Variants in PEBP4 observed in about 807,000 individuals in gnomAD.
PEBP4 encodes phosphatidylethanolamine-binding protein 4.
Under a neutral mutation model 23.9 loss-of-function variants are expected in PEBP4, and 22 were observed. That is an observed-to-expected ratio of 0.92 (90% CI 0.66 to 1.31). The LOEUF (loss-of-function observed/expected upper bound fraction) is 1.31, where lower values mean the gene tolerates loss of function less well. PEBP4 is among the 40% of genes most tolerant of loss of function. PEBP4 has a pLI of 0.00. For synonymous variants in PEBP4, 112 were observed against 99.3 expected, an observed-to-expected ratio of 1.13 and a Z score of -0.76; for missense variants, 324 against 281.7, an observed-to-expected ratio of 1.15 and a Z score of -1.07.
In PEBP4 at chr8:22,927,707, C is replaced by G; in HGVS notation, c.8G>C (p.Trp3Ser). 2 of 1,613,660 alleles carry G rather than the reference C, an allele frequency of 1.2e-6. No homozygotes were observed. Among genetic ancestry groups the G allele is most frequent in the Non-Finnish European group, 1.7e-6 (2 of 1,179,764 alleles). The stretch of plus-strand genomic sequence containing the variant: ...TGCTGCTGTGACCAGCCTCATTGTC[C>G]AACCCATGGGCACCTGGAACAGAAA... MG[W>S]TMRLVTAALL... The change falls in exon 2 of 7, where the codon TGG becomes TCG. Residue 3 changes from tryptophan (W) to serine (S), a missense_variant. By Grantham distance (177) the Trp-to-Ser change is radical. Coordinates refer to ENST00000256404, the MANE Select transcript of PEBP4 (RefSeq NM_144962.3).
chr8:22,792,803 G>A (rs1806165246), intron 4 of PEBP4, among the ~76,000 whole-genome samples: 2 of 146,130 alleles, frequency 1.4e-5, no homozygotes, highest in Admixed American at 1.4e-4. Flanking sequence ...TATGTCAGAG[G>A]TGTGTACAGG....
At position 22,927,574 on chromosome 8, in the gene PEBP4, C is replaced by G; in HGVS notation, c.131+10G>C. The G allele has an allele frequency of 6.2e-7, 1 of 1,608,416 alleles. No individual in the cohort carries two copies. Among genetic ancestry groups the G allele is most frequent in the Non-Finnish European group, 8.5e-7 (1 of 1,176,912 alleles). ...CTGTGCCTCCCGCCTCCAAGCCTGC[C>G]CTGACTTACTGGCAAAAGAGGGTGT... On this transcript the variant is annotated intron_variant, in intron 2 of 6. Coordinates refer to ENST00000256404, the MANE Select transcript of PEBP4 (RefSeq NM_144962.3).
chr8:22,774,555 C>T (rs1006752048), intron 4 of PEBP4, among the ~76,000 whole-genome samples: 2 of 152,194 alleles, frequency 1.3e-5, no homozygotes, highest in African/African-American at 2.4e-5. Context: ...GGGAAGGAGG[C>T]CCCGCAGGGA....
chr8:22,857,160 A>C (rs1242447886), intron 3 of PEBP4, among the ~76,000 whole-genome samples: 1 of 151,634 alleles, frequency 6.6e-6, no homozygotes, highest in Non-Finnish European at 1.5e-5. Context: ...GGGACATTTA[A>C]TTTTTTTCCC....
intron 4 of PEBP4, among the ~76,000 whole-genome samples, chr8:22,767,678 G>A (rs961113009): frequency 1.3e-5 from 2 of 152,134 alleles, no homozygotes; most frequent in African/African-American, 4.8e-5. Flanking sequence ...TCTTGATCTC[G>A]GTGGTGGTTA....
intron 3 of PEBP4, among the ~76,000 whole-genome samples, chr8:22,846,177 C>G (rs756786284): frequency 6.6e-5 from 10 of 152,202 alleles, no homozygotes; most frequent in Non-Finnish European, 1.5e-4. Flanking sequence ...GCATCTGTCT[C>G]CCTCCCATGG....
chr8:22,790,099 TC>T lies in PEBP4; in HGVS notation c.357+27537del, dbSNP rs367964770. 7.4e-4 allele frequency among the ~76,000 whole-genome samples: 113 copies of T among 152,310 alleles called. 2 individuals are homozygous for T. The South Asian group carries it at 0.023, about 32-fold the overall frequency. On this transcript the variant is annotated intron_variant, in intron 4 of 6. Transcript: ENST00000256404. Reference sequence around the variant, plus strand: ...TCTCCCTGCTCCTCCCCATCAACCCTCTCTAAGTCTCAGCACCAGAGCTGTG... The same window carrying T: ...TCTCCCTGCTCCTCCCCATCAACCCTTCTAAGTCTCAGCACCAGAGCTGTG...
intron 3 of PEBP4, among the ~76,000 whole-genome samples, chr8:22,821,264 A>G (rs1006455619): frequency 6.6e-6 from 1 of 152,248 alleles, no homozygotes; most frequent in Non-Finnish European, 1.5e-5. Context: ...TGAAAAGCAG[A>G]GCAAAAAATC....
chr8:22,752,347 C>T (rs1805287159), intron 4 of PEBP4, among the ~76,000 whole-genome samples: 2 of 152,180 alleles, frequency 1.3e-5, no homozygotes, highest in African/African-American at 4.8e-5. Flanking sequence ...ACATGAATGC[C>T]TTTGTGAAAG....
rs138234254 is a variant in PEBP4 at position 22,857,794 on chromosome 8, A to G, written c.259-40059T>C. On this transcript the variant is annotated intron_variant, in intron 3 of 6. Coordinates refer to ENST00000256404, the MANE Select transcript of PEBP4 (RefSeq NM_144962.3). Reference sequence around the variant, plus strand: ...CTATCTATCTGACTTTGTATATGACATGGTTAAGGCAGCATACCAAGTCAG... The same window carrying G: ...CTATCTATCTGACTTTGTATATGACGTGGTTAAGGCAGCATACCAAGTCAG... Among the ~76,000 whole-genome samples, 25 of 152,292 alleles carry G rather than the reference A, an allele frequency of 1.6e-4. No individual in the cohort carries two copies. The East Asian group carries it at 3.7e-3, about 22-fold the overall frequency.
At chr8:22,920,463 G>C (rs1005150704) in intron 2 of PEBP4, among the ~76,000 whole-genome samples, 153 bp from the exon 3 acceptor site, 2 of 152,180 alleles carry the variant, frequency 1.3e-5, no homozygotes, top group South Asian at 4.1e-4. Context: ...AGAGTTACTT[G>C]ACCTCCTTGT....
At chr8:22,789,985 C>T (rs964344183) in intron 4 of PEBP4, among the ~76,000 whole-genome samples, 2 of 152,172 alleles carry the variant, frequency 1.3e-5, no homozygotes, top group South Asian at 4.1e-4. Context: ...ATGGGGAGTC[C>T]AATGCCTCTT....
chr8:22,802,347 C>G (rs1235229863), intron 4 of PEBP4, among the ~76,000 whole-genome samples: 1 of 152,190 alleles, frequency 6.6e-6, no homozygotes, highest in African/African-American at 2.4e-5. Context: ...CTGTCTCTCA[C>G]CCGGCACTCC....
At chr8:22,936,113 A>G (rs2128783372) in intron 1 of PEBP4, among the ~76,000 whole-genome samples, 1 of 152,012 alleles carries the variant, frequency 6.6e-6, no homozygotes, top group African/African-American at 2.4e-5. Flanking sequence ...AGAAAAACAG[A>G]AAATCAACAA....
At chr8:22,855,002 A>G (rs73672923) in intron 3 of PEBP4, among the ~76,000 whole-genome samples, 26,641 of 49,324 alleles carry the variant, frequency 0.54, 2,948 homozygotes, top group Non-Finnish European at 0.56. Context: ...GTATGCACGC[A>G]CACACACACA....
intron 4 of PEBP4, among the ~76,000 whole-genome samples, chr8:22,763,010 C>CTTTTTTTTT (rs34844479): frequency 1.1e-3 from 158 of 146,270 alleles, no homozygotes; most frequent in African/African-American, 3.7e-3. Flanking sequence ...TGAAAGAAGT[C>CTTTTTTTTT]TTTTTTTTTT....
At chr8:22,716,520 T>G (rs1470098707) in intron 6 of PEBP4, among the ~76,000 whole-genome samples, 1 of 152,212 alleles carries the variant, frequency 6.6e-6, no homozygotes, top group Non-Finnish European at 1.5e-5. Context: ...CCTCGGAGCT[T>G]TAGTCCCAGG....
chr8:22,864,267 C>A (rs1448409924), intron 3 of PEBP4, among the ~76,000 whole-genome samples: 1 of 152,222 alleles, frequency 6.6e-6, no homozygotes, highest in Non-Finnish European at 1.5e-5. Context: ...AGCCCCTTCC[C>A]TCCCTCCTTG....
intron 4 of PEBP4, among the ~76,000 whole-genome samples, chr8:22,736,568 CT>C (rs1229807803): frequency 2.0e-5 from 3 of 152,184 alleles, no homozygotes; most frequent in African/African-American, 7.2e-5. Context: ...TGTTGCACCA[CT>C]GCATTCCAGC....
Sources: gnomAD v4.1 joint callset for allele counts (sites outside exome capture counted in the v4.1 genomes callset) on GRCh38, gnomAD v4.1.1 for gene constraint, MANE v1.5 for transcripts, NCBI Gene and HGNC (gene_info 2026-07-23, HGNC 2026-07-21) for gene names.